Variants in TARS3 observed in about 807,000 individuals in gnomAD.
TARS3 encodes the protein threonine--tRNA ligase 2, cytoplasmic.
In TARS3, 94 loss-of-function variants were observed where a neutral mutation model predicts 103.5. That is an observed-to-expected ratio of 0.91 (90% CI 0.77 to 1.08). The LOEUF is 1.08. Ranked by LOEUF, TARS3 falls within the 50% of genes least tolerant of loss-of-function variation. The pLI is 0.00. For missense variants in TARS3, 952 were observed against 995.2 expected, an observed-to-expected ratio of 0.96 and a Z score of 0.58; for synonymous variants, 416 against 355.4, an observed-to-expected ratio of 1.17 and a Z score of -1.92.
At chr15:101,691,368 C>T (rs1206756906) in intron 10 of TARS3, among the ~76,000 whole-genome samples, 1 of 151,976 alleles carries the variant, frequency 6.6e-6, no homozygotes, top group Non-Finnish European at 1.5e-5. Flanking sequence ...CAGCCTCTAC[C>T]TCCTGGGTTC....
chr15:101,684,233 T>C lies in TARS3; in HGVS notation c.1492A>G (p.Met498Val). The C allele has an allele frequency of 6.2e-7, 1 of 1,613,428 alleles. No individual in the cohort carries two copies. Among genetic ancestry groups the C allele is most frequent in the Non-Finnish European group, 8.5e-7 (1 of 1,179,594 alleles). The change falls in exon 12 of 19, where the codon ATG becomes GTG. Residue 498 changes from methionine (M) to valine (V), a missense_variant. Met to Val is a conservative substitution (Grantham distance 21). This residue lies in a region of TARS3 where 540 missense variants were observed against 631.0 expected (regional missense o/e 0.86). Transcript: ENST00000335968. Reference sequence around the variant, plus strand: ...CAAGATCGTGGACGATGGGCAAACATTAGACTAGAAAAGATGTGGTAACAC... The same window carrying C: ...CAAGATCGTGGACGATGGGCAAACACTAGACTAGAAAAGATGTGGTAACAC... ...KPMNCPGHCL[M>V]FAHRPRSWRE...
At chr15:101,662,701 C>T (rs1897430225) in intron 15 of TARS3, among the ~76,000 whole-genome samples, 1 of 152,080 alleles carries the variant, frequency 6.6e-6, no homozygotes. Flanking sequence ...AAATTCATCC[C>T]AAAAATTGAA....
chr15:101,664,705 T>G (rs1252791152), intron 15 of TARS3, among the ~76,000 whole-genome samples: 1 of 152,196 alleles, frequency 6.6e-6, no homozygotes, highest in African/African-American at 2.4e-5. Flanking sequence ...ATTCAAGACA[T>G]TCAGGATATA....
At chr15:101,704,612 G>A (rs919167086) in intron 7 of TARS3, among the ~76,000 whole-genome samples, 7 of 147,936 alleles carry the variant, frequency 4.7e-5, no homozygotes, top group African/African-American at 7.5e-5. Context: ...CCGAGGTCGC[G>A]CCATCGCACT....
chr15:101,713,655 A>C (rs554433082), intron 4 of TARS3, among the ~76,000 whole-genome samples: 4 of 152,230 alleles, frequency 2.6e-5, no homozygotes, highest in African/African-American at 9.6e-5. Flanking sequence ...GGAATGAGCT[A>C]TTGGGTATGT....
intron 18 of TARS3, chr15:101,655,886 A>C: frequency 7.8e-7 from 1 of 1,287,638 alleles, no homozygotes. Context: ...CAAGGAGTGG[A>C]CACCAGACCC....
chr15:101,678,394 GTTAT>G (rs1490848383), intron 12 of TARS3, among the ~76,000 whole-genome samples: 1 of 151,762 alleles, frequency 6.6e-6, no homozygotes, highest in East Asian at 1.9e-4. Flanking sequence ...GTTCTCTCTT[GTTAT>G]TCATTTCTGT....
intron 15 of TARS3, among the ~76,000 whole-genome samples, chr15:101,664,017 TACTC>T (rs754768693): frequency 3.9e-5 from 6 of 152,180 alleles, no homozygotes; most frequent in Non-Finnish European, 7.3e-5. Context: ...GAAAAACCCT[TACTC>T]AATCATGGTG....
chr15:101,704,978 A>T (rs143816107), intron 7 of TARS3, among the ~76,000 whole-genome samples: 4 of 152,286 alleles, frequency 2.6e-5, no homozygotes, highest in African/African-American at 4.8e-5. Flanking sequence ...ATGAGGGAGA[A>T]TATCTGTGGT....
intron 3 of TARS3, among the ~76,000 whole-genome samples, chr15:101,720,273 G>A (rs1900381260): frequency 6.6e-6 from 1 of 152,112 alleles, no homozygotes; most frequent in Non-Finnish European, 1.5e-5. Context: ...CAATTGTATA[G>A]AAGCTATATA....
At chr15:101,684,049 C>G in intron 12 of TARS3, 26 bp downstream of exon 12, 1 of 1,597,998 alleles carries the variant, frequency 6.3e-7, no homozygotes, top group Non-Finnish European at 8.5e-7. Flanking sequence ...TGTGACCACA[C>G]TGCTTCACTC....
At chr15:101,700,151 A>T (rs1175322815) in intron 10 of TARS3, among the ~76,000 whole-genome samples, 2 of 152,244 alleles carry the variant, frequency 1.3e-5, no homozygotes, top group African/African-American at 2.4e-5. Flanking sequence ...AAAACTAAGT[A>T]AATGAAAAAT....
chr15:101,671,372 G>GTTA (rs1324464771), intron 15 of TARS3, 114 bp downstream of exon 15: 3 of 746,172 alleles, frequency 4.0e-6, no homozygotes, highest in Non-Finnish European at 6.6e-6. Context: ...TATATATTGC[G>GTTA]TGTATAGCAC....
At chr15:101,711,576 T>C (rs887636293) in intron 5 of TARS3, among the ~76,000 whole-genome samples, 1 of 152,232 alleles carries the variant, frequency 6.6e-6, no homozygotes, top group Non-Finnish European at 1.5e-5. Context: ...TTCCTTATGA[T>C]TTTCTTAACA....
intron 2 of TARS3, among the ~76,000 whole-genome samples, chr15:101,722,309 A>C (rs1900513348): frequency 1.3e-5 from 2 of 150,608 alleles, no homozygotes; most frequent in Non-Finnish European, 2.9e-5. Flanking sequence ...ACAGAGTCAC[A>C]CATTACAGCA....
intron 15 of TARS3, chr15:101,664,495 TG>T (rs1281695000): frequency 6.6e-6 from 1 of 152,228 alleles, no homozygotes; most frequent in Non-Finnish European, 1.5e-5. Flanking sequence ...GTATGACCTA[TG>T]GGACTTGGCC....
Position 101,657,845 on chromosome 15 carries a change from T to C in TARS3, c.2085A>G (p.Leu695=), listed in dbSNP as rs761808249. The change falls in exon 17 of 19, where the codon CTA becomes CTG. Residue 695 remains leucine (L), a synonymous_variant. Coordinates refer to ENST00000335968, the MANE Select transcript of TARS3 (RefSeq NM_152334.3). ...GGATGACCATCACCTGACGAGGAGA[T>C]AGCCAGAAAGGCCTGAAAAATATAT... is the stretch of plus-strand genomic sequence containing the variant. ...ENYGGKWPFW[L]SPRQVMVIPV... The C allele has an allele frequency of 4.7e-5, 76 of 1,604,962 alleles. No homozygotes were observed. The highest frequency in any genetic ancestry group is 5.8e-5 in the Non-Finnish European group (68 of 1,174,882).
intron 10 of TARS3, among the ~76,000 whole-genome samples, chr15:101,692,239 C>T (rs1334129411): frequency 2.0e-5 from 3 of 152,162 alleles, no homozygotes; most frequent in African/African-American, 7.2e-5. Flanking sequence ...TCCACAGTTA[C>T]AGCTTCTGTT....
At chr15:101,656,510 A>G (rs1240986141) in intron 18 of TARS3, among the ~76,000 whole-genome samples, 1 of 152,228 alleles carries the variant, frequency 6.6e-6, no homozygotes, top group Non-Finnish European at 1.5e-5. Context: ...TTTCCTTTAG[A>G]TCATTTTAAA....
Sources: gnomAD v4.1 joint callset for allele counts (sites outside exome capture counted in the v4.1 genomes callset) on GRCh38, gnomAD v4.1.1 for gene constraint, gnomAD v4.1.1 regional missense constraint, MANE v1.5 for transcripts, NCBI Gene and HGNC (gene_info 2026-07-23, HGNC 2026-07-21) for gene names.